The following ABLIM2 variants were observed in gnomAD, a reference collection of about 807,000 sequenced individuals.
ABLIM2 encodes actin-binding LIM protein 2.
Under a neutral mutation model 97.7 loss-of-function variants are expected in ABLIM2, and 53 were observed. The observed-to-expected ratio is 0.54, with a 90% CI of 0.44 to 0.68. ABLIM2 has a LOEUF of 0.68. Among genes scored for constraint, ABLIM2 ranks in the 30% least tolerant of loss-of-function variants. The probability of loss-of-function intolerance (pLI) is 0.00; values close to 1 mark genes in which losing one functional copy is unlikely to be tolerated. For missense variants in ABLIM2, 835 were observed against 867.2 expected, an observed-to-expected ratio of 0.96 and a Z score of 0.47; for synonymous variants, 361 against 345.8, an observed-to-expected ratio of 1.04 and a Z score of -0.49.
chr4:8,004,508 G>C lies in ABLIM2; in HGVS notation c.1618+3551C>G, dbSNP rs918737859. 6.6e-6 allele frequency among the ~76,000 whole-genome samples: 1 copy of C among 152,102 alleles called. No homozygotes were observed. The highest frequency in any genetic ancestry group is 1.5e-5 in the Non-Finnish European group (1 of 68,014). On this transcript the variant is annotated intron_variant, in intron 16 of 20. Transcript: ENST00000447017. This position sits in a 1 kb window ranked among gnomAD's most constrained non-coding sequence, Gnocchi z 5.9. ...TTTCTAGGGGCCACTGAGTCCTCTGGGCAGTGCCTCAAGCTGCCCGGGGGT... is the reference window on the plus strand; with the variant it reads ...TTTCTAGGGGCCACTGAGTCCTCTGCGCAGTGCCTCAAGCTGCCCGGGGGT...
rs146723770 is a variant in ABLIM2, at chr4:8,093,448, G to A, written c.338+3651C>T. On this transcript the variant is annotated intron_variant, in intron 3 of 20. Coordinates refer to ENST00000447017, the MANE Select transcript of ABLIM2 (RefSeq NM_001130083.2). Reference sequence around the variant, plus strand: ...CTAAAAAAGTCTTTATCGTGCCTTCGTTTCTCAGTAACAGTTTTGACACTT... The same window carrying A: ...CTAAAAAAGTCTTTATCGTGCCTTCATTTCTCAGTAACAGTTTTGACACTT... Among the ~76,000 whole-genome samples the A allele has an allele frequency of 7.3e-3, 1,108 of 152,204 alleles. 9 individuals are homozygous for A. The highest frequency in any genetic ancestry group is 0.018 in the African/African-American group (735 of 41,524).
At chr4:7,972,575 C>G (rs1225732170) in intron 20 of ABLIM2, among the ~76,000 whole-genome samples, 1 of 152,232 alleles carries the variant, frequency 6.6e-6, no homozygotes, top group African/African-American at 2.4e-5. Flanking sequence ...CATTGTGAAT[C>G]TGAATCTGGG....
chr4:8,007,602 T>C, intron 16 of ABLIM2: 1 of 989,694 alleles, frequency 1.0e-6, no homozygotes. Flanking sequence ...ACTGTCTCTC[T>C]ATGAAGCCTG....
chr4:8,006,424 G>A (rs765817035), intron 16 of ABLIM2, among the ~76,000 whole-genome samples: 3 of 152,208 alleles, frequency 2.0e-5, no homozygotes, highest in South Asian at 2.1e-4. Flanking sequence ...GAGTTCTGCC[G>A]GCCACCTGGC....
intron 10 of ABLIM2, among the ~76,000 whole-genome samples, chr4:8,030,239 AG>A (rs1482388189): frequency 2.0e-5 from 3 of 152,174 alleles, no homozygotes; most frequent in Non-Finnish European, 4.4e-5. Context: ...ACTCCACCCC[AG>A]GCCGGGAAGC....
At chr4:7,983,799 C>G (rs1360769983) in intron 18 of ABLIM2, among the ~76,000 whole-genome samples, 2 of 152,198 alleles carry the variant, frequency 1.3e-5, no homozygotes, top group African/African-American at 4.8e-5. Flanking sequence ...GGCTGGAAGC[C>G]GGAGGGCGGC....
chr4:8,121,654 T>C (rs997923219), intron 1 of ABLIM2, among the ~76,000 whole-genome samples: 2 of 152,174 alleles, frequency 1.3e-5, no homozygotes, highest in African/African-American at 2.4e-5. Flanking sequence ...CAGGGTCTCA[T>C]TGCCTTGAGC....
intron 7 of ABLIM2, among the ~76,000 whole-genome samples, chr4:8,057,795 C>T (rs1176287693): frequency 6.6e-6 from 1 of 152,220 alleles, no homozygotes; most frequent in Non-Finnish European, 1.5e-5. Flanking sequence ...CGCTGGGGCC[C>T]ATGCTTTTCA....
rs1810499323 is a variant in ABLIM2 at position 8,069,712 on chromosome 4, T to C, written c.675+7916A>G. 6.6e-6 allele frequency among the ~76,000 whole-genome samples: 1 copy of C among 151,990 alleles called. No individual in the cohort carries two copies. Among genetic ancestry groups the C allele is most frequent in the Admixed American group, 6.6e-5 (1 of 15,260 alleles). On this transcript the variant is annotated intron_variant, in intron 6 of 20. Coordinates refer to ENST00000447017, the MANE Select transcript of ABLIM2 (RefSeq NM_001130083.2). This position sits in a 1 kb window ranked among gnomAD's most constrained non-coding sequence, Gnocchi z 4.2. ...TTTGTGTGTTGTCTGTGTGTTGCTA[T>C]GTGCAGTCTCTGTGTCCATGTGTCC... is the stretch of plus-strand genomic sequence containing the variant.
At chr4:8,077,524 C>A (rs1443508856) in intron 6 of ABLIM2, 104 bp downstream of exon 6, 30 of 1,151,462 alleles carry the variant, frequency 2.6e-5, no homozygotes, top group Admixed American at 2.1e-5. Flanking sequence ...AAGCTGCAGC[C>A]AGACAGATTC....
In ABLIM2 at chr4:8,158,673, C is replaced by T. The variant is rs1222641864; in HGVS notation, c.10+7G>A. ...GACCCGTTGGTCCCTCGGTCCCCAG[C>T]ACCCACCTGCACTCATCTCAGCAGC... On this transcript the variant is annotated splice_region_variant and intron_variant, in intron 1 of 20. Coordinates refer to ENST00000447017, the MANE Select transcript of ABLIM2 (RefSeq NM_001130083.2). 9 of 1,489,738 alleles carry T rather than the reference C, an allele frequency of 6.0e-6. No homozygotes were observed. The highest frequency in any genetic ancestry group is 8.0e-6 in the Non-Finnish European group (9 of 1,124,428). The allele number at this position is 1,489,738 out of a possible 1,614,324, so 92.3% of individuals were successfully genotyped here. A position where few individuals can be genotyped will look rare whatever the true frequency, so the allele number is the denominator to read the frequency against.
intron 13 of ABLIM2, 84 bp downstream of exon 13, chr4:8,020,118 G>T (rs563177203): frequency 4.5e-4 from 592 of 1,314,660 alleles, no homozygotes; most frequent in Non-Finnish European, 5.9e-4. Flanking sequence ...GCTGAGTCAA[G>T]GCAAGCTGAC....
chr4:8,004,464 C>T lies in ABLIM2; in HGVS notation c.1618+3595G>A, dbSNP rs1759705112. The stretch of plus-strand genomic sequence containing the variant: ...GGATTGGAGGAAAGGGTCTTATTCC[C>T]TTCGGAAGTGCTGGGTCCTTTCTAG... On this transcript the variant is annotated intron_variant, in intron 16 of 20. Transcript: ENST00000447017. The surrounding 1 kb of genome is among the most constrained non-coding windows in gnomAD (Gnocchi z 5.9). Among the ~76,000 whole-genome samples the T allele has an allele frequency of 6.6e-6, 1 of 152,190 alleles. No individual in the cohort carries two copies. The highest frequency in any genetic ancestry group is 2.4e-5 in the African/African-American group (1 of 41,444).
intron 14 of ABLIM2, among the ~76,000 whole-genome samples, chr4:8,010,918 C>G (rs774537791): frequency 6.6e-6 from 1 of 152,226 alleles, no homozygotes; most frequent in Non-Finnish European, 1.5e-5. Flanking sequence ...CTAGGGGCTG[C>G]TTGGAGCTCT....
At chr4:8,006,647 A>G (rs887951301) in intron 16 of ABLIM2, among the ~76,000 whole-genome samples, 2 of 152,182 alleles carry the variant, frequency 1.3e-5, no homozygotes, top group Admixed American at 6.5e-5. Context: ...AGCCAGGCCA[A>G]TGTTCCCTGG....
Position 8,155,346 on chromosome 4 carries a change from G to A in ABLIM2, c.10+3334C>T, listed in dbSNP as rs141754009. 1.2e-4 allele frequency among the ~76,000 whole-genome samples: 18 copies of A among 152,298 alleles called. No individual in the cohort carries two copies. The highest frequency in any genetic ancestry group is 3.9e-4 in the East Asian group (2 of 5,192). On this transcript the variant is annotated intron_variant, in intron 1 of 20. Transcript: ENST00000447017. This position sits in a 1 kb window ranked among gnomAD's most constrained non-coding sequence, Gnocchi z 4.2. Reference sequence around the variant, plus strand: ...TGTTCCAAATACTAGGATCTGCACCGTCCACAGTCTGGGGACTAGGGCTCA... The same window carrying A: ...TGTTCCAAATACTAGGATCTGCACCATCCACAGTCTGGGGACTAGGGCTCA...
chr4:8,121,964 G>A (rs960343986), intron 1 of ABLIM2, among the ~76,000 whole-genome samples: 6 of 152,186 alleles, frequency 3.9e-5, no homozygotes, highest in African/African-American at 9.7e-5. Context: ...CAGACCTCAA[G>A]CCAGCTCTCA....
rs1372889107 is a variant in ABLIM2 at position 8,045,193 on chromosome 4, T to G, written c.871A>C (p.Thr291Pro). The part of the protein sequence containing the change: ...ESIISVPASS[T>P]SGSPSRVIYA... Reference sequence around the variant, plus strand: ...ATCACACGGCTCGGAGACCCTGAGGTGCTGGAAGCAGGGACAGAAATGATG... The same window carrying G: ...ATCACACGGCTCGGAGACCCTGAGGGGCTGGAAGCAGGGACAGAAATGATG... Residue 291 changes from threonine (T) to proline (P), a missense_variant, in exon 9 of 21, where the codon ACC (threonine) becomes CCC (proline). Transcript: ENST00000447017. 1 of 1,613,892 alleles carries G rather than the reference T, an allele frequency of 6.2e-7. No individual in the cohort carries two copies. The highest frequency in any genetic ancestry group is 1.1e-5 in the South Asian group (1 of 91,064).
intron 14 of ABLIM2, among the ~76,000 whole-genome samples, chr4:8,017,297 TA>T (rs201012723): frequency 3.3e-4 from 50 of 149,848 alleles, no homozygotes; most frequent in African/African-American, 1.0e-3. Flanking sequence ...TTATTATTAT[TA>T]TTATTTTTTT....
Sources: gnomAD v4.1 joint callset for allele counts (sites outside exome capture counted in the v4.1 genomes callset) on GRCh38, gnomAD v4.1.1 for gene constraint, Gnocchi (gnomAD v3.1) non-coding constraint, MANE v1.5 for transcripts, NCBI Gene and HGNC (gene_info 2026-07-23, HGNC 2026-07-21) for gene names.